COL1A2: variants seen among roughly 807,000 people sequenced by gnomAD.
COL1A2 encodes the protein collagen alpha-2(I) chain.
In COL1A2, 49 loss-of-function variants were observed where a neutral mutation model predicts 174.3. The observed-to-expected ratio is 0.28, with a 90% confidence interval of 0.22 to 0.36. The LOEUF (loss-of-function observed/expected upper bound fraction) is 0.36. Ranked by LOEUF, COL1A2 falls within the 10% of genes least tolerant of loss-of-function variation. The probability of loss-of-function intolerance (pLI) is 1.00; values close to 1 mark genes in which losing one functional copy is unlikely to be tolerated. For synonymous variants in COL1A2, 655 were observed against 606.6 expected (o/e 1.08, Z -1.17); for missense variants, 1,438 against 1,822.7 (o/e 0.79, Z 3.84).
intron 38 of COL1A2, chr7:94,421,455 G>A (rs1792160748): frequency 2.6e-6 from 1 of 380,966 alleles, no homozygotes; most frequent in Non-Finnish European, 4.8e-6. Context: ...TTCTCTCACT[G>A]GACAGTGCTG....
At chr7:94,407,410 T>C (rs1791826150) in intron 12 of COL1A2, among the ~76,000 whole-genome samples, 2 of 152,190 alleles carry the variant, frequency 1.3e-5, no homozygotes, top group Admixed American at 6.5e-5. Context: ...ATAAATATGA[T>C]GGCTCTAAAA....
intron 26 of COL1A2, among the ~76,000 whole-genome samples, 162 bp downstream of exon 26, chr7:94,413,298 T>C (rs917717686): frequency 6.6e-6 from 1 of 151,352 alleles, no homozygotes; most frequent in Admixed American, 6.6e-5. Flanking sequence ...ACCAAACTTA[T>C]AAAACAGTGA....
Position 94,425,146 on chromosome 7 carries a change from C to A in COL1A2, c.2703C>A (p.Gly901=), listed in dbSNP as rs1189638167. 6.2e-7 allele frequency: 1 copy of A among 1,614,010 alleles called. No individual in the cohort carries two copies. The highest frequency in any genetic ancestry group is 1.7e-5 in the Admixed American group (1 of 60,014). ...VGEPGPLGIA[G]PPGARGPPGA... ...AACCTGGTCCTCTTGGCATTGCCGG[C>A]CCTCCTGGGGCCCGTGGTCCTCCTG... The change falls in exon 42 of 52, where the codon GGC becomes GGA. Residue 901 remains glycine, a synonymous_variant. Coordinates refer to ENST00000297268, the MANE Select transcript of COL1A2 (RefSeq NM_000089.4).
At chr7:94,418,361 G>A (rs1174398676) in intron 32 of COL1A2, 138 bp from the exon 33 acceptor site, 1 of 698,494 alleles carries the variant, frequency 1.4e-6, no homozygotes, top group Non-Finnish European at 2.6e-6. Flanking sequence ...GAATGGTAAG[G>A]AATCGAGACA....
chr7:94,418,177 C>A (rs1290122891), intron 32 of COL1A2, among the ~76,000 whole-genome samples: 2 of 152,188 alleles, frequency 1.3e-5, no homozygotes, highest in Non-Finnish European at 2.9e-5. Flanking sequence ...TAAGAGTGAT[C>A]AGGCGCTGCA....
At chr7:94,419,474 G>A (rs1013357020) in intron 33 of COL1A2, 24 bp from the exon 34 acceptor site, 1 of 1,613,624 alleles carries the variant, frequency 6.2e-7, no homozygotes, top group Non-Finnish European at 8.5e-7. Context: ...TTATTAATAA[G>A]ACATGTTTCC....
At position 94,401,544 on chromosome 7, in the gene COL1A2, AT is replaced by A. The variant is rs199593359; in HGVS notation, c.226-11del. On this transcript the variant is annotated intron_variant, in intron 5 of 51. Transcript: ENST00000297268. ...TAAAAATATTTTATATATATATATA[AT>A]TTTTTTTTTTTACTTCTCTAGAACT... 0.045 allele frequency: 38,970 copies of A among 859,230 alleles called. 2 individuals carry two copies. Among genetic ancestry groups the A allele is most frequent in the Middle Eastern group, 0.054 (112 of 2,088 alleles). 53.2% of individuals were successfully genotyped at this position (859,230 alleles called of 1,614,324 possible).
At chr7:94,421,299 T>C (rs1792157168) in intron 38 of COL1A2, 2 of 582,156 alleles carry the variant, frequency 3.4e-6, no homozygotes, top group Non-Finnish European at 6.1e-6. Flanking sequence ...GGCAGTTTAA[T>C]TGTAAAGTCG....
intron 41 of COL1A2, 129 bp downstream of exon 41, chr7:94,424,572 C>A: frequency 1.3e-6 from 1 of 793,388 alleles, no homozygotes; most frequent in Non-Finnish European, 2.1e-6. Context: ...TTTCTTTATA[C>A]AGATCACATG....
rs200437358 is a variant in COL1A2 at position 94,411,390 on chromosome 7, A to AT, written c.1350+237dup. The stretch of plus-strand genomic sequence containing the variant: ...GGCTATGAGGTTTTTGGAAGAATAG[A>AT]TCTATTTTAATATATCCAAATTAGA... On this transcript the variant is annotated intron_variant, in intron 23 of 51. Transcript: ENST00000297268. 2.1e-3 allele frequency among the ~76,000 whole-genome samples: 326 copies of AT among 152,246 alleles called. 4 individuals carry two copies. The East Asian group carries it at 0.026, about 12-fold the overall frequency.
At chr7:94,408,565 T>C (rs1036951279) in intron 15 of COL1A2, among the ~76,000 whole-genome samples, 185 bp downstream of exon 15, 1 of 152,184 alleles carries the variant, frequency 6.6e-6, no homozygotes, top group African/African-American at 2.4e-5. Context: ...TTGATTGATG[T>C]ATAAAGCAAA....
chr7:94,404,674 C>T lies in COL1A2; in HGVS notation c.325-19C>T. The T allele has an allele frequency of 6.2e-7, 1 of 1,614,064 alleles. No homozygotes were observed. Among genetic ancestry groups the T allele is most frequent in the South Asian group, 1.1e-5 (1 of 91,086 alleles). On this transcript the variant is annotated intron_variant, in intron 7 of 51. Transcript: ENST00000297268. ...TAAGAAATAAAGGCTTGGAGTATGACATTCTTTTTTTCTTTTAGGGCCCTC... is the reference window on the plus strand; with the variant it reads ...TAAGAAATAAAGGCTTGGAGTATGATATTCTTTTTTTCTTTTAGGGCCCTC...
intron 47 of COL1A2, 49 bp from the exon 48 acceptor site, chr7:94,427,139 C>A: frequency 6.2e-7 from 1 of 1,610,692 alleles, no homozygotes; most frequent in African/African-American, 1.3e-5. Context: ...CTGCTGCTCC[C>A]TTGGTGGGAT....
Position 94,427,031 on chromosome 7 carries a change from T to C in COL1A2, c.3129T>C (p.Ala1043=). 2 of 1,614,084 alleles carry C rather than the reference T, an allele frequency of 1.2e-6. No homozygotes were observed. Among genetic ancestry groups the C allele is most frequent in the Non-Finnish European group, 1.7e-6 (2 of 1,179,988 alleles). The change falls in exon 47 of 52, where the codon GCT becomes GCC. Residue 1043 remains alanine (A), a synonymous_variant. Transcript: ENST00000297268. ...GIAGHHGDQG[A]PGSVGPAGPR... is the part of the protein sequence containing the mutation. Reference sequence around the variant, plus strand: ...AGGGTCACCATGGTGATCAAGGTGCTCCTGGCTCCGTGGGTCCTGCTGGTC... The same window carrying C: ...AGGGTCACCATGGTGATCAAGGTGCCCCTGGCTCCGTGGGTCCTGCTGGTC...
At chr7:94,406,512 A>G (rs185126034) in intron 12 of COL1A2, among the ~76,000 whole-genome samples, 39 of 152,288 alleles carry the variant, frequency 2.6e-4, no homozygotes, top group African/African-American at 9.4e-4. Flanking sequence ...TTCAATATCT[A>G]TTAAACAATT....
At chr7:94,424,636 C>T in intron 41 of COL1A2, 193 bp downstream of exon 41, 1 of 587,738 alleles carries the variant, frequency 1.7e-6, no homozygotes, top group Non-Finnish European at 3.0e-6. Context: ...ACTATAAAGA[C>T]ACAGCTTAAA....
Position 94,425,224 on chromosome 7 carries a change from T to C in COL1A2, c.2781T>C (p.Asp927=), listed in dbSNP as rs1584329484. Residue 927 remains aspartate (D), a splice_region_variant and synonymous_variant, in exon 42 of 52, where the codon GAT becomes GAC. Coordinates refer to ENST00000297268, the MANE Select transcript of COL1A2 (RefSeq NM_000089.4). ...VNGAPGEAGR[D]GNPGNDGPPG... ...GTGCTCCTGGTGAAGCTGGTCGTGA[T>C]GTGAGTCCAACACTTGGTTTGTAAA... is the stretch of plus-strand genomic sequence containing the variant. 1 of 1,613,300 alleles carries C rather than the reference T, an allele frequency of 6.2e-7. No individual in the cohort carries two copies. The highest frequency in any genetic ancestry group is 8.5e-7 in the Non-Finnish European group (1 of 1,179,240).
rs532770253 is a variant in COL1A2 at position 94,427,580 on chromosome 7, CTG to C, written c.3268-45_3268-44del. 135 of 1,610,252 alleles carry C rather than the reference CTG, an allele frequency of 8.4e-5. No individual in the cohort carries two copies. The African/African-American group carries it at 1.6e-3, about 19-fold the overall frequency. ...AATCTGCTGCCATGGATGTCTCTCA[CTG>C]TAACAAAATATAAAGCCTCTCCTAT... On this transcript the variant is annotated intron_variant, in intron 48 of 51. Transcript: ENST00000297268.
intron 29 of COL1A2, among the ~76,000 whole-genome samples, chr7:94,414,572 A>G (rs577522246): frequency 5.9e-5 from 9 of 152,334 alleles, no homozygotes; most frequent in African/African-American, 2.2e-4. Context: ...TAAGATACAA[A>G]TTATTTCCTT....
Sources: gnomAD v4.1 joint callset for allele counts (sites outside exome capture counted in the v4.1 genomes callset) on GRCh38, gnomAD v4.1.1 for gene constraint, MANE v1.5 for transcripts, NCBI Gene and HGNC (gene_info 2026-07-23, HGNC 2026-07-21) for gene names.